The following RNF121 variants were observed in gnomAD, a reference collection of about 807,000 sequenced individuals.
RNF121 encodes the protein ring finger protein 121.
RNF121 carries 21 observed loss-of-function variants against 46.5 expected under a neutral mutation model. The observed-to-expected ratio is 0.45, with a 90% CI of 0.32 to 0.65. RNF121 has a LOEUF of 0.65. Among genes scored for constraint, RNF121 ranks in the 30% least tolerant of loss-of-function variants. RNF121 has a pLI of 0.04. For missense variants in RNF121, 346 were observed against 416.0 expected, an observed-to-expected ratio of 0.83 and a Z score of 1.46; for synonymous variants, 139 against 144.7, an observed-to-expected ratio of 0.96 and a Z score of 0.28.
chr11:71,991,385 A>AGACACATAGCTATG (rs1954861170), intron 6 of RNF121, among the ~76,000 whole-genome samples: 1 of 152,128 alleles, frequency 6.6e-6, no homozygotes, highest in South Asian at 2.1e-4. Context: ...ACATAGCTAT[A>AGACACATAGCTATG]TGCCAGAATT....
chr11:71,947,505 C>T (rs1049514323), intron 1 of RNF121, among the ~76,000 whole-genome samples: 6 of 148,052 alleles, frequency 4.1e-5, no homozygotes, highest in Non-Finnish European at 7.4e-5. Context: ...AGGAATTGGG[C>T]AGTGAAGGAG....
chr11:71,957,168 A>C, intron 1 of RNF121, 59 bp from the exon 2 acceptor site: 2 of 1,071,722 alleles, frequency 1.9e-6, no homozygotes, highest in Non-Finnish European at 2.9e-6. Flanking sequence ...TGAGCACCTT[A>C]TATTGGCAGG....
intron 3 of RNF121, among the ~76,000 whole-genome samples, chr11:71,982,156 T>C (rs1221503673): frequency 1.3e-5 from 2 of 151,864 alleles, no homozygotes; most frequent in East Asian, 1.9e-4. Flanking sequence ...TAGCTAAGAA[T>C]GTTGGATCCT....
chr11:71,945,526 A>C (rs1483058671), intron 1 of RNF121, among the ~76,000 whole-genome samples: 1 of 152,170 alleles, frequency 6.6e-6, no homozygotes, highest in Non-Finnish European at 1.5e-5. Context: ...CTAAGTGTGA[A>C]GTGTGAAGGG....
chr11:71,978,599 C>T (rs965713556), intron 3 of RNF121, among the ~76,000 whole-genome samples: 1 of 152,228 alleles, frequency 6.6e-6, no homozygotes, highest in Non-Finnish European at 1.5e-5. Context: ...CTCTCATTTA[C>T]TGAGCGCTTA....
intron 8 of RNF121, among the ~76,000 whole-genome samples, 184 bp downstream of exon 8, chr11:71,995,735 G>A (rs1954961927): frequency 1.3e-5 from 2 of 152,134 alleles, no homozygotes; most frequent in African/African-American, 4.8e-5. Flanking sequence ...CCTATTCTAG[G>A]ATTATTGCCT....
intron 1 of RNF121, among the ~76,000 whole-genome samples, chr11:71,941,930 ATTTT>A (rs35553015): frequency 3.9e-5 from 4 of 102,700 alleles, no homozygotes; most frequent in Non-Finnish European, 2.1e-5. Context: ...TGTAATGAGA[ATTTT>A]TTTTTTTTTT....
intron 3 of RNF121, among the ~76,000 whole-genome samples, chr11:71,973,268 G>C (rs1353087992): frequency 6.6e-6 from 1 of 152,002 alleles, no homozygotes; most frequent in African/African-American, 2.4e-5. Context: ...TGGAGTGGAA[G>C]GATAGCTTGA....
intron 5 of RNF121, among the ~76,000 whole-genome samples, chr11:71,988,579 G>A (rs1489215416): frequency 6.6e-6 from 1 of 151,678 alleles, no homozygotes; most frequent in Non-Finnish European, 1.5e-5. Context: ...TGAGGCAGGA[G>A]GACTGCTTGA....
chr11:71,962,649 G>T (rs1954164211), intron 3 of RNF121, among the ~76,000 whole-genome samples: 1 of 152,160 alleles, frequency 6.6e-6, no homozygotes, highest in South Asian at 2.1e-4. Flanking sequence ...ATGCTAACAT[G>T]ATAGCACATC....
intron 3 of RNF121, among the ~76,000 whole-genome samples, chr11:71,964,557 G>A (rs1010685907): frequency 3.9e-5 from 6 of 151,960 alleles, no homozygotes; most frequent in Admixed American, 2.6e-4. Flanking sequence ...GCTCACTGCA[G>A]CCTCTACTTC....
chr11:71,965,037 G>A (rs1217670119), intron 3 of RNF121, among the ~76,000 whole-genome samples: 2 of 152,194 alleles, frequency 1.3e-5, no homozygotes, highest in Non-Finnish European at 2.9e-5. Context: ...TTTGAACAAT[G>A]TAACAGTATG....
chr11:71,983,175 G>A (rs1009021430), intron 4 of RNF121: 38 of 312,894 alleles, frequency 1.2e-4, no homozygotes, highest in Non-Finnish European at 1.8e-4. Context: ...AGCAAATTGT[G>A]GTGATCATTG....
chr11:71,934,430 A>T (rs912788651), intron 1 of RNF121, among the ~76,000 whole-genome samples: 9 of 152,336 alleles, frequency 5.9e-5, no homozygotes, highest in South Asian at 2.1e-4. Flanking sequence ...TCCTCTTCCC[A>T]CTAGGTTGGT....
chr11:71,964,352 G>C (rs971573067), intron 3 of RNF121, among the ~76,000 whole-genome samples: 2 of 152,102 alleles, frequency 1.3e-5, no homozygotes, highest in African/African-American at 4.8e-5. Flanking sequence ...TTTTGTGTTA[G>C]TCTTCCAACT....
Position 71,960,756 on chromosome 11 carries a change from G to C in RNF121, c.108G>C (p.Glu36Asp), listed in dbSNP as rs1233529319. The C allele has an allele frequency of 6.2e-7, 1 of 1,613,366 alleles. No individual in the cohort carries two copies. The highest frequency in any genetic ancestry group is 8.5e-7 in the Non-Finnish European group (1 of 1,179,606). The change falls in exon 3 of 9, where the codon GAG (glutamate) becomes GAC (aspartate). Residue 36 changes from glutamate to aspartate, a missense_variant. This residue lies in a region of RNF121 where 286 missense variants were observed against 383.8 expected (regional missense o/e 0.75). Coordinates refer to ENST00000361756, the MANE Select transcript of RNF121 (RefSeq NM_018320.5). ...DLSPEEQWRV[E>D]HARMHAKHRG... ...CCATGTGTTTGGCTTTCAGGGTCGA[G>C]CACGCACGCATGCATGCCAAGCACC...
chr11:71,949,087 A>G (rs2134162951), intron 1 of RNF121, among the ~76,000 whole-genome samples: 1 of 152,188 alleles, frequency 6.6e-6, no homozygotes, highest in East Asian at 1.9e-4. Flanking sequence ...CATCAAGGGC[A>G]AAGGTTGGGC....
At chr11:71,932,018 G>C (rs929185764) in intron 1 of RNF121, among the ~76,000 whole-genome samples, 33 of 152,184 alleles carry the variant, frequency 2.2e-4, no homozygotes, top group Non-Finnish European at 2.6e-4. Context: ...GATGCCATTA[G>C]CATGATACGT....
At chr11:71,948,109 G>A (rs1013967583) in intron 1 of RNF121, among the ~76,000 whole-genome samples, 15 of 152,164 alleles carry the variant, frequency 9.9e-5, no homozygotes, top group African/African-American at 3.6e-4. Context: ...AAGAGTGAGA[G>A]AGGAGGGCCA....
Sources: allele counts gnomAD v4.1 joint callset (sites outside exome capture counted in the v4.1 genomes callset), GRCh38; gene constraint gnomAD v4.1.1; regional missense constraint gnomAD v4.1.1; transcripts MANE v1.5; gene names NCBI Gene and HGNC (gene_info 2026-07-23, HGNC 2026-07-21).